DLGAP1: variants seen among roughly 807,000 people sequenced by gnomAD.
DLGAP1 encodes disks large-associated protein 1.
In DLGAP1, 11 loss-of-function variants were observed where a neutral mutation model predicts 90.8. The observed-to-expected ratio is 0.12, with a 90% CI of 0.08 to 0.20. DLGAP1 has a LOEUF of 0.20. DLGAP1 is among the 10% of genes least tolerant of loss of function. The pLI is 1.00. For missense variants in DLGAP1, 1,050 were observed against 1,333.8 expected (o/e 0.79, Z 3.31); for synonymous variants, 558 against 540.7 (o/e 1.03, Z -0.44).
chr18:3,879,380 C>T lies in DLGAP1; in HGVS notation c.689G>A (p.Arg230His), dbSNP rs376106750. The change falls in exon 4 of 13, where the codon CGC becomes CAC. Residue 230 changes from arginine (R) to histidine (H), a missense_variant. Transcript: ENST00000315677. This position sits in a 1 kb window ranked among gnomAD's most constrained non-coding sequence, Gnocchi z 6.6. ...CTCCAGGAAGTACTGTGAGGCCGAG[C>T]GGTCGGGGCACCTGCCCATGGTCAT... ...GVMTMGRCPD[R>H]SASQYFLEAY... The T allele has an allele frequency of 1.9e-5, 30 of 1,613,064 alleles. No homozygotes were observed. The highest frequency in any genetic ancestry group is 4.4e-5 in the South Asian group (4 of 91,028).
intron 4 of DLGAP1, among the ~76,000 whole-genome samples, chr18:3,823,662 G>A (rs1251936341): frequency 2.6e-5 from 4 of 152,030 alleles, no homozygotes; most frequent in Non-Finnish European, 5.9e-5. Context: ...TAGCATTTTG[G>A]AACTTGTAAC....
chr18:3,807,188 C>A (rs997422709), intron 5 of DLGAP1, among the ~76,000 whole-genome samples: 5 of 152,150 alleles, frequency 3.3e-5, no homozygotes, highest in Non-Finnish European at 7.4e-5. Flanking sequence ...CTTCTGACGC[C>A]CCTTCAAATC....
rs117923266 is a variant in DLGAP1 at position 4,038,827 on chromosome 18, G to A, written c.-158-33626C>T. Among the ~76,000 whole-genome samples, 414 of 152,264 alleles carry A rather than the reference G, an allele frequency of 2.7e-3. 24 individuals are homozygous for A. The East Asian group carries it at 0.061, about 22-fold the overall frequency. ...GGTACAGGAGTTCTGCAGAGTGGCT[G>A]TATGCGTTTCCTCTGGCTGTGGTAC... On this transcript the variant is annotated intron_variant, in intron 2 of 12. Transcript: ENST00000315677.
At chr18:4,356,929 C>A (rs1598274307) in intron 1 of DLGAP1, among the ~76,000 whole-genome samples, 1 of 152,188 alleles carries the variant, frequency 6.6e-6, no homozygotes, top group East Asian at 1.9e-4. Flanking sequence ...TTTGTTGTTC[C>A]TCCAGCATGG....
intron 11 of DLGAP1, 59 bp downstream of exon 11, chr18:3,508,511 G>T: frequency 2.3e-6 from 3 of 1,294,974 alleles, no homozygotes; most frequent in South Asian, 1.4e-5. Context: ...GGCCAGTCTT[G>T]GTGACATGTT....
At chr18:4,279,474 A>G (rs914947288) in intron 1 of DLGAP1, among the ~76,000 whole-genome samples, 1 of 152,228 alleles carries the variant, frequency 6.6e-6, no homozygotes, top group Non-Finnish European at 1.5e-5. Context: ...GAGAAAAACC[A>G]CATGGGCTTT....
chr18:4,143,252 G>A (rs2076525525), intron 2 of DLGAP1, among the ~76,000 whole-genome samples: 1 of 152,072 alleles, frequency 6.6e-6, no homozygotes, highest in Non-Finnish European at 1.5e-5. Flanking sequence ...CACAATCCAG[G>A]AGCCAGGGCC....
intron 3 of DLGAP1, among the ~76,000 whole-genome samples, chr18:3,961,512 C>G (rs2073197986): frequency 6.6e-6 from 1 of 151,412 alleles, no homozygotes; most frequent in Admixed American, 6.6e-5. Context: ...CTCTGCCCCA[C>G]CCATTTCTCT....
intron 3 of DLGAP1, among the ~76,000 whole-genome samples, chr18:3,955,706 C>T (rs2073071177): frequency 2.0e-5 from 3 of 148,832 alleles, no homozygotes; most frequent in South Asian, 2.1e-4. Context: ...AAGAGTGAAA[C>T]TCCGTCTCAA....
At chr18:3,678,825 T>C (rs1015003510) in intron 7 of DLGAP1, among the ~76,000 whole-genome samples, 10 of 152,192 alleles carry the variant, frequency 6.6e-5, no homozygotes, top group African/African-American at 2.2e-4. Context: ...TGTGAACACT[T>C]GTTTCTGCTA....
At chr18:3,959,752 G>GA (rs1464408848) in intron 3 of DLGAP1, among the ~76,000 whole-genome samples, 1 of 151,592 alleles carries the variant, frequency 6.6e-6, no homozygotes, top group East Asian at 1.9e-4. Flanking sequence ...ACTGAAGAAA[G>GA]AAAAAAGAAA....
intron 7 of DLGAP1, among the ~76,000 whole-genome samples, chr18:3,629,659 G>C (rs2058451158): frequency 6.6e-6 from 1 of 151,936 alleles, no homozygotes; most frequent in Non-Finnish European, 1.5e-5. Flanking sequence ...GCAACAGAGT[G>C]AGACTCTGTC....
intron 1 of DLGAP1, among the ~76,000 whole-genome samples, chr18:4,343,230 C>T (rs1000189154): frequency 2.9e-4 from 44 of 151,390 alleles, no homozygotes; most frequent in African/African-American, 9.9e-4. Flanking sequence ...TGGCGTGAAC[C>T]CAGGAGGCAG....
At chr18:3,646,929 T>A (rs536154410) in intron 7 of DLGAP1, among the ~76,000 whole-genome samples, 9 of 150,786 alleles carry the variant, frequency 6.0e-5, no homozygotes, top group Admixed American at 2.6e-4. Flanking sequence ...CATCTCAAAA[T>A]AAATAAATAA....
intron 7 of DLGAP1, among the ~76,000 whole-genome samples, chr18:3,690,503 G>A (rs1038022229): frequency 1.6e-4 from 24 of 152,074 alleles, no homozygotes; most frequent in Non-Finnish European, 3.1e-4. Flanking sequence ...ATCCAAAGAC[G>A]AGCTGGGGCC....
chr18:4,218,110 GA>G (rs1375452790), intron 1 of DLGAP1, among the ~76,000 whole-genome samples: 1 of 150,238 alleles, frequency 6.7e-6, no homozygotes, highest in Non-Finnish European at 1.5e-5. Context: ...AGATCTGTTA[GA>G]ATTTTTTTTT....
intron 1 of DLGAP1, among the ~76,000 whole-genome samples, chr18:4,226,624 A>C (rs1020860548): frequency 6.6e-6 from 1 of 151,352 alleles, no homozygotes; most frequent in Non-Finnish European, 1.5e-5. Flanking sequence ...CAGTGTTAAG[A>C]CATTATCTGT....
chr18:4,232,139 C>T (rs941950003), intron 1 of DLGAP1, among the ~76,000 whole-genome samples: 1 of 152,068 alleles, frequency 6.6e-6, no homozygotes, highest in African/African-American at 2.4e-5. Context: ...AAAGAGAAAA[C>T]AATGAGCATA....
At chr18:4,024,746 A>ATACT (rs1186162353) in intron 2 of DLGAP1, among the ~76,000 whole-genome samples, 2 of 152,206 alleles carry the variant, frequency 1.3e-5, no homozygotes, top group Non-Finnish European at 2.9e-5. Context: ...TTTACATAGT[A>ATACT]TAGCTGTGCC....
Sources: gnomAD v4.1 joint callset for allele counts (sites outside exome capture counted in the v4.1 genomes callset) on GRCh38, gnomAD v4.1.1 for gene constraint, Gnocchi (gnomAD v3.1) non-coding constraint, MANE v1.5 for transcripts, NCBI Gene and HGNC (gene_info 2026-07-23, HGNC 2026-07-21) for gene names.